Variants in WDR70 observed in about 807,000 individuals in gnomAD.
The protein encoded by WDR70 is WD repeat domain 70, also known as WD repeat-containing protein 70.
Under a neutral mutation model 88.6 loss-of-function variants are expected in WDR70, and 53 were observed. The ratio of observed to expected loss-of-function variants is 0.60; its 90% CI spans 0.48 to 0.75. The LOEUF (loss-of-function observed/expected upper bound fraction) is 0.75. Among genes scored for constraint, WDR70 ranks in the 30% least tolerant of loss-of-function variants. The pLI is 0.00. For missense variants in WDR70, 610 were observed against 823.2 expected (o/e 0.74, Z 3.17); for synonymous variants, 280 against 270.0 (o/e 1.04, Z -0.36).
intron 11 of WDR70, among the ~76,000 whole-genome samples, chr5:37,698,970 C>T (rs1747063503): frequency 6.6e-6 from 1 of 152,142 alleles, no homozygotes; most frequent in Admixed American, 6.5e-5. Flanking sequence ...TACTTGAGTT[C>T]AGAGATGATT....
chr5:37,456,058 A>G (rs2112092105), intron 7 of WDR70, among the ~76,000 whole-genome samples: 1 of 151,900 alleles, frequency 6.6e-6, no homozygotes, highest in South Asian at 2.1e-4. Flanking sequence ...TTCTATAAAT[A>G]CTCCGTACTG....
In WDR70 at chr5:37,405,655, G is replaced by C; in HGVS notation, c.492+9085G>C. ...GACCTCAATTCAAAAATCTAGAACA[G>C]ATTAAAAAAACCCAAAGGAAACAAT... is the stretch of plus-strand genomic sequence containing the variant. On this transcript the variant is annotated intron_variant, in intron 5 of 17. Transcript: ENST00000265107. Among the ~76,000 whole-genome samples, 2 of 151,832 alleles carry C rather than the reference G, an allele frequency of 1.3e-5. 1 individual carries two copies. The highest frequency in any genetic ancestry group is 2.9e-5 in the Non-Finnish European group (2 of 67,990).
At position 37,643,166 on chromosome 5, in the gene WDR70, C is replaced by T. The variant is rs920380337; in HGVS notation, c.1092+37928C>T. Among the ~76,000 whole-genome samples the T allele has an allele frequency of 4.0e-5, 6 of 151,882 alleles. 1 individual carries two copies. Among genetic ancestry groups the T allele is most frequent in the Admixed American group, 1.3e-4 (2 of 15,248 alleles). On this transcript the variant is annotated intron_variant, in intron 10 of 17. Transcript: ENST00000265107. ...ATTTTTTATTTGGTTGTTGTATATGCGGAGAGATGGGGTCTAGTTTCATTC... is the reference window on the plus strand; with the variant it reads ...ATTTTTTATTTGGTTGTTGTATATGTGGAGAGATGGGGTCTAGTTTCATTC...
intron 9 of WDR70, among the ~76,000 whole-genome samples, chr5:37,574,903 AT>A (rs1434916371): frequency 1.3e-5 from 2 of 152,020 alleles, no homozygotes; most frequent in Non-Finnish European, 2.9e-5. Context: ...TTACTTGTCC[AT>A]TTTTCTCCTT....
chr5:37,485,876 T>A (rs1191333889), intron 8 of WDR70, among the ~76,000 whole-genome samples: 14 of 81,324 alleles, frequency 1.7e-4, no homozygotes, highest in Admixed American at 3.8e-4. Flanking sequence ...TTTTTTTTTT[T>A]TTTTTTTTTT....
chr5:37,507,371 G>A (rs1452677222), intron 8 of WDR70, among the ~76,000 whole-genome samples: 1 of 152,074 alleles, frequency 6.6e-6, no homozygotes, highest in Non-Finnish European at 1.5e-5. Context: ...AAGATTTCTA[G>A]TTCTCCCTTC....
chr5:37,521,703 T>TACACACAC (rs59206188), intron 9 of WDR70, among the ~76,000 whole-genome samples: 10 of 145,218 alleles, frequency 6.9e-5, no homozygotes, highest in South Asian at 2.2e-4. Flanking sequence ...AGTCCAAGTA[T>TACACACAC]ACACACACAC....
chr5:37,448,704 A>G (rs893070233), intron 7 of WDR70, among the ~76,000 whole-genome samples: 2 of 150,976 alleles, frequency 1.3e-5, no homozygotes, highest in African/African-American at 4.8e-5. Context: ...GTCAGTTACT[A>G]TTGATGAATC....
chr5:37,404,066 T>A (rs546819319), intron 5 of WDR70, among the ~76,000 whole-genome samples: 6 of 152,324 alleles, frequency 3.9e-5, no homozygotes, highest in Admixed American at 6.5e-5. Flanking sequence ...AATCTGAATG[T>A]AAGAATCAGC....
chr5:37,564,483 T>G (rs1424033716), intron 9 of WDR70, among the ~76,000 whole-genome samples: 1 of 150,474 alleles, frequency 6.6e-6, no homozygotes, highest in East Asian at 1.9e-4. Context: ...AGCAGTACAG[T>G]CCAGCTTTGG....
intron 7 of WDR70, among the ~76,000 whole-genome samples, chr5:37,444,336 CTTTTTTTTTT>C (rs70978817): frequency 1.5e-4 from 14 of 94,100 alleles, no homozygotes; most frequent in Admixed American, 3.1e-4. Flanking sequence ...CAGCCTTTCT[CTTTTTTTTTT>C]TTTTTTTTTT....
chr5:37,669,408 A>AAC lies in WDR70; in HGVS notation c.1093-28246_1093-28245insCA, dbSNP rs1251498983. ...CATAATTATCTTTTTTTTAAAAAAA[A>AAC]AAAAACATTTTGTTTTCTTTAGAGT... On this transcript the variant is annotated intron_variant, in intron 10 of 17. Transcript: ENST00000265107. Among the ~76,000 whole-genome samples the AAC allele has an allele frequency of 4.6e-5, 7 of 151,960 alleles. No homozygotes were observed. In the East Asian group the frequency reaches 1.4e-3, roughly 29 times the overall value.
In WDR70 at chr5:37,570,625, A is replaced by G. The variant is rs189852610; in HGVS notation, c.918-34439A>G. ...AAGATCAACCAAGAAATAGGAGGAA[A>G]ACTGAGAGTACTGTCACAGAACTAA... On this transcript the variant is annotated intron_variant, in intron 9 of 17. Coordinates refer to ENST00000265107, the MANE Select transcript of WDR70 (RefSeq NM_018034.4). Among the ~76,000 whole-genome samples the G allele has an allele frequency of 3.0e-4, 46 of 152,284 alleles. 1 individual carries two copies. The Middle Eastern group carries it at 0.014, about 45-fold the overall frequency.
intron 7 of WDR70, among the ~76,000 whole-genome samples, chr5:37,450,960 G>A (rs1467511023): frequency 3.9e-5 from 6 of 152,154 alleles, no homozygotes; most frequent in South Asian, 2.1e-4. Flanking sequence ...GTGCAATGGC[G>A]TGATCTCGGC....
chr5:37,673,716 AGATACT>A (rs1746104554), intron 10 of WDR70, among the ~76,000 whole-genome samples: 1 of 151,904 alleles, frequency 6.6e-6, no homozygotes, highest in East Asian at 1.9e-4. Context: ...CCCAACACAC[AGATACT>A]AAGTCCAGTG....
chr5:37,675,064 A>G (rs1414611858), intron 10 of WDR70, among the ~76,000 whole-genome samples: 3 of 151,640 alleles, frequency 2.0e-5, no homozygotes, highest in African/African-American at 7.3e-5. Flanking sequence ...TCCTTCGCCC[A>G]CTTTTTGATG....
At chr5:37,380,107 C>CA (rs977661846) in intron 2 of WDR70, among the ~76,000 whole-genome samples, 2 of 152,058 alleles carry the variant, frequency 1.3e-5, no homozygotes, top group Non-Finnish European at 2.9e-5. Context: ...AAAATGAAAA[C>CA]AAAACTTAGT....
At chr5:37,390,809 C>G in intron 3 of WDR70, among the ~76,000 whole-genome samples, 1 of 150,320 alleles carries the variant, frequency 6.7e-6, no homozygotes, top group Middle Eastern at 3.5e-3. Context: ...CTCCACCTCT[C>G]GGGTTCAAGC....
chr5:37,525,857 C>G (rs541613576), intron 9 of WDR70, among the ~76,000 whole-genome samples: 1 of 152,330 alleles, frequency 6.6e-6, no homozygotes, highest in South Asian at 2.1e-4. Context: ...ATAAACACCT[C>G]TAGGCAAATA....
Sources: allele counts gnomAD v4.1 joint callset (sites outside exome capture counted in the v4.1 genomes callset), GRCh38; gene constraint gnomAD v4.1.1; transcripts MANE v1.5; gene names NCBI Gene and HGNC (gene_info 2026-07-23, HGNC 2026-07-21).